DNAH3: variants seen among roughly 807,000 people sequenced by gnomAD.
DNAH3 encodes axonemal beta dynein heavy chain 3.
DNAH3 carries 332 observed loss-of-function variants against 432.5 expected under a neutral mutation model. The ratio of observed to expected loss-of-function variants is 0.77; its 90% CI spans 0.70 to 0.84. The LOEUF (loss-of-function observed/expected upper bound fraction) is 0.84. Among genes scored for constraint, DNAH3 ranks in the 40% least tolerant of loss-of-function variants. The pLI is 0.00. For missense variants in DNAH3, 4,861 were observed against 5,114.0 expected (o/e 0.95, Z 1.51); for synonymous variants, 1,956 against 1,900.2 (o/e 1.03, Z -0.76).
chr16:21,069,624 A>G, intron 22 of DNAH3, 30 bp from the exon 23 acceptor site: 7 of 1,580,940 alleles, frequency 4.4e-6, no homozygotes, highest in Non-Finnish European at 4.3e-6. Flanking sequence ...TATCTGGATC[A>G]TTAACCTGCC....
At chr16:20,984,211 G>A (rs1420469370) in intron 48 of DNAH3, among the ~76,000 whole-genome samples, 3 of 146,274 alleles carry the variant, frequency 2.1e-5, no homozygotes, top group South Asian at 4.5e-4. Flanking sequence ...ATGCGTGCGT[G>A]TGTGTGTGTG....
intron 52 of DNAH3, among the ~76,000 whole-genome samples, chr16:20,967,153 A>T (rs1214063865): frequency 6.6e-6 from 1 of 152,206 alleles, no homozygotes; most frequent in Non-Finnish European, 1.5e-5. Context: ...TTTCCCATGA[A>T]GGTTTTTGTT....
intron 4 of DNAH3, 118 bp from the exon 6 acceptor site, chr16:21,140,828 G>A (rs2152828792): frequency 7.2e-6 from 6 of 837,338 alleles, no homozygotes; most frequent in Non-Finnish European, 1.1e-5. Flanking sequence ...TCTCTCCTCT[G>A]TGTCATCTAA....
intron 38 of DNAH3, among the ~76,000 whole-genome samples, chr16:21,025,309 T>C (rs2088486956): frequency 1.3e-5 from 2 of 150,016 alleles, no homozygotes; most frequent in African/African-American, 4.9e-5. Context: ...ATGTTATAGA[T>C]AATATTTTGA....
intron 7 of DNAH3, among the ~76,000 whole-genome samples, chr16:21,131,508 G>GA (rs2092560260): frequency 7.0e-6 from 1 of 143,006 alleles, no homozygotes; most frequent in African/African-American, 2.8e-5. Flanking sequence ...TGAGAGAGAA[G>GA]GAAGGAAGGA....
intron 18 of DNAH3, among the ~76,000 whole-genome samples, chr16:21,092,849 T>C (rs6497525): frequency 0.02 from 2,977 of 151,524 alleles, 104 homozygotes; most frequent in African/African-American, 0.068. Flanking sequence ...TAAGAAGATA[T>C]ACAAGAGGTG....
At chr16:20,994,155 C>T (rs1287915254) in intron 44 of DNAH3, among the ~76,000 whole-genome samples, 2 of 152,142 alleles carry the variant, frequency 1.3e-5, no homozygotes, top group African/African-American at 2.4e-5. Flanking sequence ...AATGGCCTGG[C>T]GCAGTGGCTC....
exon 19 of DNAH3, chr16:21,086,935 T>C: frequency 6.2e-7 from 1 of 1,614,214 alleles, no homozygotes; most frequent in South Asian, 1.1e-5. Flanking sequence ...ATCTTGATCT[T>C]CACATTCTCT....
At chr16:21,036,209 T>C (rs1026504731) in intron 35 of DNAH3, among the ~76,000 whole-genome samples, 2 of 151,972 alleles carry the variant, frequency 1.3e-5, no homozygotes, top group African/African-American at 4.8e-5. Flanking sequence ...ACCTGTAATG[T>C]CAGCTACCCA....
At chr16:21,127,875 C>T (rs2092474698) in intron 7 of DNAH3, 63 bp from the exon 9 acceptor site, 2 of 1,596,324 alleles carry the variant, frequency 1.3e-6, no homozygotes, top group African/African-American at 2.7e-5. Flanking sequence ...TCCCGCAGGA[C>T]AGGTTCCAAG....
intron 41 of DNAH3, among the ~76,000 whole-genome samples, chr16:21,012,442 T>G (rs1401477621): frequency 6.6e-6 from 1 of 152,172 alleles, no homozygotes; most frequent in African/African-American, 2.4e-5. Context: ...AAGAAGAAAT[T>G]TAAATTAGAT....
At chr16:21,010,501 T>C (rs376781881) in intron 41 of DNAH3, among the ~76,000 whole-genome samples, 2 of 152,212 alleles carry the variant, frequency 1.3e-5, no homozygotes, top group Admixed American at 6.5e-5. Flanking sequence ...CAAAGGTCCA[T>C]GTCAAACAAT....
chr16:20,935,594 T>G (rs1392212494), intron 60 of DNAH3, 109 bp from the exon 61 acceptor site: 2 of 1,227,532 alleles, frequency 1.6e-6, no homozygotes, highest in East Asian at 5.3e-5. Context: ...ATATTTTTCT[T>G]GAAACAGCCC....
chr16:20,950,180 C>T (rs2084248925), intron 56 of DNAH3, among the ~76,000 whole-genome samples: 1 of 152,276 alleles, frequency 6.6e-6, no homozygotes, highest in African/African-American at 2.4e-5. Context: ...GTTCTTTCAC[C>T]AAACTGAGAC....
chr16:20,945,629 T>A lies in DNAH3; in HGVS notation c.11344-966A>T, dbSNP rs1176453996. ...CCTCAGCCTCCCTAGTAGCTGGGATTATAGGCATATGCCATCATGCCCGGC... is the reference window on the plus strand; with the variant it reads ...CCTCAGCCTCCCTAGTAGCTGGGATAATAGGCATATGCCATCATGCCCGGC... On this transcript the variant is annotated intron_variant, in intron 57 of 61. Transcript: ENST00000261383. Among the ~76,000 whole-genome samples, 7 of 152,258 alleles carry A rather than the reference T, an allele frequency of 4.6e-5. No individual in the cohort carries two copies. In the East Asian group the frequency reaches 1.2e-3, roughly 25 times the overall value.
chr16:21,027,416 G>A (rs1449101927), intron 37 of DNAH3, among the ~76,000 whole-genome samples: 1 of 150,920 alleles, frequency 6.6e-6, no homozygotes, highest in Non-Finnish European at 1.5e-5. Flanking sequence ...AGTAGAAGAG[G>A]GGGTTGCATC....
intron 56 of DNAH3, among the ~76,000 whole-genome samples, chr16:20,948,955 A>G (rs554617908): frequency 6.6e-6 from 1 of 152,220 alleles, no homozygotes; most frequent in East Asian, 1.9e-4. Context: ...AGGCTCAGCC[A>G]GCAGAGAGAG....
At chr16:20,948,727 A>G (rs1329080942) in intron 56 of DNAH3, 90 bp from the exon 57 acceptor site, 5 of 1,413,280 alleles carry the variant, frequency 3.5e-6, no homozygotes, top group Non-Finnish European at 4.9e-6. Flanking sequence ...TCTTCCGGCC[A>G]AAGATCTCTG....
At chr16:21,063,378 G>A (rs921032879) in intron 24 of DNAH3, among the ~76,000 whole-genome samples, 1 of 151,960 alleles carries the variant, frequency 6.6e-6, no homozygotes, top group Non-Finnish European at 1.5e-5. Context: ...CTCTCCATCC[G>A]TGCAAGAACA....
Sources: allele counts gnomAD v4.1 joint callset (sites outside exome capture counted in the v4.1 genomes callset), GRCh38; gene constraint gnomAD v4.1.1; transcripts MANE v1.5; gene names NCBI Gene and HGNC (gene_info 2026-07-23, HGNC 2026-07-21).